MGAT4C: variants seen among roughly 807,000 people sequenced by gnomAD.
The protein encoded by MGAT4C is MGAT4 family member C.
Under a neutral mutation model 40.1 loss-of-function variants are expected in MGAT4C, and 19 were observed. The ratio of observed to expected loss-of-function variants is 0.47; its 90% CI spans 0.33 to 0.70. MGAT4C has a LOEUF of 0.70. Ranked by LOEUF, MGAT4C falls within the 30% of genes least tolerant of loss-of-function variation. The pLI is 0.02. For synonymous variants in MGAT4C, 181 were observed against 187.1 expected (o/e 0.97, Z 0.27); for missense variants, 491 against 563.2 (o/e 0.87, Z 1.30).
chr12:86,709,302 G>C lies in MGAT4C; in HGVS notation c.-229+17907C>G, dbSNP rs112453842. On this transcript the variant is annotated intron_variant, in intron 2 of 7. Coordinates refer to the MGAT4C transcript ENST00000548651. ...ATGATTGTCAGGCTTCCCCAGCCACGTGGAACTGTAAGTCCATTAAACCTC... is the reference window on the plus strand; with the variant it reads ...ATGATTGTCAGGCTTCCCCAGCCACCTGGAACTGTAAGTCCATTAAACCTC... Among the ~76,000 whole-genome samples the C allele has an allele frequency of 3.4e-3, 524 of 152,242 alleles. 1 individual carries two copies. The highest frequency in any genetic ancestry group is 0.012 in the African/African-American group (502 of 41,552).
intron 1 of MGAT4C, among the ~76,000 whole-genome samples, chr12:86,251,787 G>A (rs930179627): frequency 2.0e-5 from 3 of 151,926 alleles, no homozygotes; most frequent in Admixed American, 6.6e-5. Flanking sequence ...CACAGGTAGA[G>A]AGCCACTTAC....
At chr12:86,476,926 C>T (rs1396124074) in intron 2 of MGAT4C, among the ~76,000 whole-genome samples, 8 of 151,978 alleles carry the variant, frequency 5.3e-5, no homozygotes, top group African/African-American at 1.9e-4. Flanking sequence ...GGGGATACTA[C>T]ACAGGGAAAT....
intron 2 of MGAT4C, among the ~76,000 whole-genome samples, chr12:86,603,793 G>A (rs1266435976): frequency 2.0e-4 from 5 of 24,634 alleles, no homozygotes; most frequent in Admixed American, 9.2e-4. Context: ...ATAATATATA[G>A]TATATATATT....
intron 4 of MGAT4C, among the ~76,000 whole-genome samples, chr12:86,298,029 A>G (rs1953722030): frequency 6.6e-6 from 1 of 152,204 alleles, no homozygotes; most frequent in Non-Finnish European, 1.5e-5. Context: ...ACATACATGC[A>G]TAAATACATG....
intron 1 of MGAT4C, among the ~76,000 whole-genome samples, chr12:86,223,021 G>A (rs539736622): frequency 1.3e-5 from 2 of 152,180 alleles, no homozygotes; most frequent in South Asian, 4.1e-4. Context: ...AGAGTGCACA[G>A]AGGCATTGTT....
chr12:86,464,960 G>A (rs1192296582), intron 2 of MGAT4C, among the ~76,000 whole-genome samples: 2 of 151,928 alleles, frequency 1.3e-5, no homozygotes, highest in Non-Finnish European at 2.9e-5. Context: ...GGTTGTTCTA[G>A]AAATACTGAA....
chr12:86,102,798 C>A (rs1358125978), intron 1 of MGAT4C, among the ~76,000 whole-genome samples: 1 of 152,060 alleles, frequency 6.6e-6, no homozygotes. Context: ...AATTCTCATA[C>A]ATCTAATGTT....
At chr12:86,280,273 CT>C (rs1333244553) in intron 4 of MGAT4C, among the ~76,000 whole-genome samples, 1 of 151,964 alleles carries the variant, frequency 6.6e-6, no homozygotes, top group Non-Finnish European at 1.5e-5. Context: ...TGGAGTCTAT[CT>C]CTCTCTTTAG....
At chr12:86,739,133 C>CAAAAAA (rs59869666) in intron 1 of MGAT4C, among the ~76,000 whole-genome samples, 15 of 39,792 alleles carry the variant, frequency 3.8e-4, no homozygotes, top group Non-Finnish European at 4.6e-4. Flanking sequence ...TTTCCCTGTG[C>CAAAAAA]AAAAAAAAAA....
At chr12:86,744,489 T>C (rs1038032243) in intron 1 of MGAT4C, among the ~76,000 whole-genome samples, 1 of 151,428 alleles carries the variant, frequency 6.6e-6, no homozygotes, top group African/African-American at 2.4e-5. Flanking sequence ...TCCAAGTTCA[T>C]AGTACATTTT....
At position 85,956,603 on chromosome 12, in the gene MGAT4C, G is replaced by C. The variant is rs1422687187; in HGVS notation, c.*22686C>G. On this transcript the variant is annotated 3_prime_UTR_variant, in exon 5 of 5. Transcript: ENST00000611864. ...TTGATTCAATCAAACAGCATTACTT[G>C]GTATGGTGTAGAGAAAACAAAAATG... The C allele has an allele frequency of 6.6e-6, 1 of 152,000 alleles. No individual in the cohort carries two copies. Among genetic ancestry groups the C allele is most frequent in the Non-Finnish European group, 1.5e-5 (1 of 67,990 alleles). The allele number at this position is 152,000 out of a possible 1,614,324, so 9.4% of individuals were successfully genotyped here. A position where few individuals can be genotyped will look rare whatever the true frequency, so the allele number is the denominator to read the frequency against.
intron 4 of MGAT4C, among the ~76,000 whole-genome samples, chr12:86,283,461 T>A (rs1018400165): frequency 1.3e-5 from 2 of 152,008 alleles, no homozygotes; most frequent in Non-Finnish European, 2.9e-5. Flanking sequence ...ATACTGTACA[T>A]ATTTAGAACT....
chr12:86,487,254 T>C (rs942032218), intron 2 of MGAT4C, among the ~76,000 whole-genome samples: 1 of 152,194 alleles, frequency 6.6e-6, no homozygotes, highest in Admixed American at 6.5e-5. Flanking sequence ...AGTGTACATT[T>C]AGATACTGAT....
chr12:86,501,651 A>C (rs898547374), intron 2 of MGAT4C, among the ~76,000 whole-genome samples: 6 of 152,018 alleles, frequency 3.9e-5, no homozygotes, highest in African/African-American at 1.4e-4. Context: ...AGGTTCATCC[A>C]TGTCCCTGCA....
At chr12:86,243,486 C>T (rs1375068005) in intron 1 of MGAT4C, among the ~76,000 whole-genome samples, 1 of 152,124 alleles carries the variant, frequency 6.6e-6, no homozygotes, top group Non-Finnish European at 1.5e-5. Flanking sequence ...GGTGATGGGT[C>T]GCTCCCATGA....
Position 85,965,567 on chromosome 12 carries a change from G to T in MGAT4C, c.*13722C>A, listed in dbSNP as rs563924326. 1 of 143,204 alleles carries T rather than the reference G, an allele frequency of 7.0e-6. No individual in the cohort carries two copies. Among genetic ancestry groups the T allele is most frequent in the African/African-American group, 2.6e-5 (1 of 38,186 alleles). 8.9% of individuals were successfully genotyped at this position (143,204 alleles called of 1,614,324 possible). A position where few individuals can be genotyped will look rare whatever the true frequency, so the allele number is the denominator to read the frequency against. On this transcript the variant is annotated 3_prime_UTR_variant, in exon 5 of 5. Transcript: ENST00000611864. Reference sequence around the variant, plus strand: ...AGCGGAGATAGTGCCACTGCAGTCCGGCCTGGGCAAAAGAGTGAGACTCTG... The same window carrying T: ...AGCGGAGATAGTGCCACTGCAGTCCTGCCTGGGCAAAAGAGTGAGACTCTG...
chr12:86,732,828 C>CA (rs5799792), intron 1 of MGAT4C, among the ~76,000 whole-genome samples: 2,336 of 75,702 alleles, frequency 0.031, 80 homozygotes, highest in East Asian at 0.15. Context: ...TTTTCTCCAG[C>CA]AAAAAAAAAA....
rs935586694 is a variant in MGAT4C at position 86,398,967 on chromosome 12, T to TTTTA, written c.-120+36186_-120+36189dup. ...AGGCTTTTTGTCCAATTACATTTGT[T>TTTTA]TTTATTTATTTATTTATTTTTTGAG... On this transcript the variant is annotated intron_variant, in intron 3 of 7. Coordinates refer to the MGAT4C transcript ENST00000548651. Among the ~76,000 whole-genome samples, 6 of 151,960 alleles carry TTTTA rather than the reference T, an allele frequency of 3.9e-5. No homozygotes were observed. In the East Asian group the frequency reaches 5.8e-4, roughly 15 times the overall value.
intron 1 of MGAT4C, among the ~76,000 whole-genome samples, chr12:86,748,711 T>G (rs1172198055): frequency 6.6e-6 from 1 of 151,632 alleles, no homozygotes; most frequent in Non-Finnish European, 1.5e-5. Flanking sequence ...CATAGAGACT[T>G]TAACTGTATA....
Sources: allele counts gnomAD v4.1 joint callset (sites outside exome capture counted in the v4.1 genomes callset), GRCh38; gene constraint gnomAD v4.1.1; transcripts MANE v1.5; gene names NCBI Gene and HGNC (gene_info 2026-07-23, HGNC 2026-07-21).